ANO6: variants seen among roughly 807,000 people sequenced by gnomAD.
ANO6 encodes the protein anoctamin 6.
In ANO6, 106 loss-of-function variants were observed where a neutral mutation model predicts 117.5. The ratio of observed to expected loss-of-function variants is 0.90; its 90% CI spans 0.77 to 1.06. The LOEUF (loss-of-function observed/expected upper bound fraction) is 1.06, where lower values mean the gene tolerates loss of function less well. ANO6 is among the 50% of genes least tolerant of loss of function. The pLI is 0.00. For missense variants in ANO6, 955 were observed against 1,121.1 expected (o/e 0.85, Z 2.12); for synonymous variants, 367 against 385.1 (o/e 0.95, Z 0.55).
At chr12:45,370,878 A>G (rs1319293934) in intron 9 of ANO6, among the ~76,000 whole-genome samples, 1 of 152,220 alleles carries the variant, frequency 6.6e-6, no homozygotes, top group Non-Finnish European at 1.5e-5. Context: ...GAATAGGAAC[A>G]GCTCCGGTCT....
chr12:45,295,678 A>G (rs577486636), intron 1 of ANO6, among the ~76,000 whole-genome samples: 169 of 152,140 alleles, frequency 1.1e-3, no homozygotes, highest in Admixed American at 3.1e-3. Context: ...CTCCTGCCTC[A>G]GCCTCCAGAG....
intron 19 of ANO6, among the ~76,000 whole-genome samples, chr12:45,424,327 G>GGTTTTTTTTTT (rs1943439717): frequency 2.5e-5 from 2 of 81,240 alleles, no homozygotes; most frequent in African/African-American, 9.9e-5. Flanking sequence ...TAGGTGATGG[G>GGTTTTTTTTTT]TTTTTTTTTT....
chr12:45,230,094 C>G (rs143523538), intron 1 of ANO6, among the ~76,000 whole-genome samples: 10 of 152,172 alleles, frequency 6.6e-5, no homozygotes, highest in African/African-American at 2.4e-4. Context: ...TTAGAGATTT[C>G]GCCTTTCCCC....
chr12:45,360,504 G>C (rs1941528215), intron 8 of ANO6, among the ~76,000 whole-genome samples: 3 of 152,216 alleles, frequency 2.0e-5, no homozygotes, highest in Admixed American at 6.5e-5. Flanking sequence ...TAAATTGGAA[G>C]AGACACATTC....
At chr12:45,434,263 C>T (rs1316950257), downstream of ANO6, among the ~76,000 whole-genome samples, 1 of 152,176 alleles carries the variant, frequency 6.6e-6, no homozygotes, top group African/African-American at 2.4e-5. Context: ...TACTTTCTTT[C>T]TTGTCATTGT....
chr12:45,240,237 T>G (rs1677989174), intron 1 of ANO6, among the ~76,000 whole-genome samples: 1 of 152,058 alleles, frequency 6.6e-6, no homozygotes, highest in African/African-American at 2.4e-5. Context: ...TTTAAGAGAG[T>G]TAGTTCTTCT....
intron 10 of ANO6, 52 bp from the exon 11 acceptor site, chr12:45,388,109 A>G: frequency 3.7e-6 from 6 of 1,607,238 alleles, no homozygotes; most frequent in South Asian, 3.3e-5. Context: ...CAGATTTCTG[A>G]AACATCAGTC....
intron 1 of ANO6, among the ~76,000 whole-genome samples, chr12:45,247,826 T>C (rs1292264133): frequency 6.6e-6 from 1 of 152,184 alleles, no homozygotes; most frequent in Non-Finnish European, 1.5e-5. Flanking sequence ...CCCAATGACC[T>C]TCCAAAGGCC....
In ANO6 at chr12:45,422,970, C is replaced by T. The variant is rs1299930291; in HGVS notation, c.2434C>T (p.Arg812Ter). ...TTTTGTTTTCAGGTATCGTGATTTC[C>T]GATACCCACCTGGACACCCCCAGGA... ...NHTTCRYRDFRYPPGHPQEYK... is the reference protein window; with the variant it reads ...NHTTCRYRDF Residue 812 changes from arginine to a stop codon, truncating the protein, a stop_gained, in exon 19 of 20, where the codon CGA becomes TGA. Coordinates refer to ENST00000320560, the MANE Select transcript of ANO6 (RefSeq NM_001025356.3). LOFTEE classifies it high-confidence loss of function. 1.9e-6 allele frequency: 3 copies of T among 1,612,892 alleles called. No individual in the cohort carries two copies. Among genetic ancestry groups the T allele is most frequent in the Non-Finnish European group, 2.5e-6 (3 of 1,179,032 alleles).
intron 12 of ANO6, among the ~76,000 whole-genome samples, chr12:45,394,155 A>G (rs919414979): frequency 3.3e-5 from 5 of 152,222 alleles, no homozygotes; most frequent in African/African-American, 1.2e-4. Flanking sequence ...AGGAAGATCT[A>G]CCAAGCAAAT....
At position 45,423,038 on chromosome 12, in the gene ANO6, G is replaced by A; in HGVS notation, c.2502G>A (p.Lys834=). 1 of 1,613,812 alleles carries A rather than the reference G, an allele frequency of 6.2e-7. No individual in the cohort carries two copies. The highest frequency in any genetic ancestry group is 1.7e-5 in the Admixed American group (1 of 60,030). Residue 834 remains lysine, a synonymous_variant, in exon 19 of 20, where the codon AAG becomes AAA. Transcript: ENST00000320560. ...NIYYWHVIAA[K]LAFIIVMEHV... ...ACTATTGGCATGTGATTGCAGCCAA[G>A]CTGGCTTTTATCATTGTCATGGAGG...
chr12:45,348,431 A>T (rs1434365257), intron 5 of ANO6, 87 bp from the exon 6 acceptor site: 11 of 1,551,310 alleles, frequency 7.1e-6, no homozygotes, highest in Non-Finnish European at 9.8e-6. Flanking sequence ...GAAATATGCC[A>T]GCAGATTTGT....
chr12:45,218,487 G>A (rs1460870912), intron 1 of ANO6, among the ~76,000 whole-genome samples: 2 of 147,550 alleles, frequency 1.4e-5, no homozygotes, highest in Admixed American at 1.4e-4. Flanking sequence ...CTCGACCTAC[G>A]GGGCTCAAGC....
intron 8 of ANO6, among the ~76,000 whole-genome samples, chr12:45,363,749 G>C (rs930944725): frequency 3.9e-5 from 6 of 152,058 alleles, no homozygotes; most frequent in African/African-American, 1.4e-4. Flanking sequence ...TTGTTCTCAT[G>C]GTAGTGAATA....
intron 7 of ANO6, among the ~76,000 whole-genome samples, chr12:45,352,111 C>A (rs1270139208): frequency 6.6e-6 from 1 of 151,904 alleles, no homozygotes; most frequent in East Asian, 1.9e-4. Flanking sequence ...GTCTCAACAC[C>A]CCATGCACTT....
At chr12:45,232,607 T>G (rs1171461835) in intron 1 of ANO6, among the ~76,000 whole-genome samples, 1 of 152,226 alleles carries the variant, frequency 6.6e-6, no homozygotes, top group Non-Finnish European at 1.5e-5. Flanking sequence ...TACATTAGAT[T>G]ACTGCGTAAA....
At chr12:45,305,917 A>G (rs77166492) in intron 2 of ANO6, among the ~76,000 whole-genome samples, 1 of 152,106 alleles carries the variant, frequency 6.6e-6, no homozygotes, top group Non-Finnish European at 1.5e-5. Flanking sequence ...TGAAAAAAAA[A>G]TAACTGGAGG....
chr12:45,367,871 T>C (rs1941726629), intron 9 of ANO6, 78 bp downstream of exon 9: 3 of 1,073,394 alleles, frequency 2.8e-6, no homozygotes, highest in Non-Finnish European at 2.9e-6. Flanking sequence ...AACATAGTAT[T>C]GTATCTTTTT....
chr12:45,255,818 G>GGTTTTTTTTTTTTTTTTTTTTTT (rs749001458), intron 1 of ANO6, among the ~76,000 whole-genome samples: 2 of 81,716 alleles, frequency 2.4e-5, no homozygotes, highest in African/African-American at 9.0e-5. Flanking sequence ...CTCCCTGGGT[G>GGTTTTTTTTTTTTTTTTTTTTTT]TTTTTTTTTT....
Sources: allele counts gnomAD v4.1 joint callset (sites outside exome capture counted in the v4.1 genomes callset), GRCh38; gene constraint gnomAD v4.1.1; transcripts MANE v1.5; gene names NCBI Gene and HGNC (gene_info 2026-07-23, HGNC 2026-07-21).